Variants in CFDP1 observed in about 807,000 individuals in gnomAD.
The protein encoded by CFDP1 is heterochromatin-stabilizing protein CFDP1.
Under a neutral mutation model 40.1 loss-of-function variants are expected in CFDP1, and 31 were observed. The observed-to-expected ratio is 0.77, with a 90% CI of 0.58 to 1.04. The LOEUF is 1.04. CFDP1 is among the 50% of genes least tolerant of loss of function. The pLI is 0.00. For synonymous variants in CFDP1, 167 were observed against 120.0 expected, an observed-to-expected ratio of 1.39 and a Z score of -2.56; for missense variants, 423 against 343.4, an observed-to-expected ratio of 1.23 and a Z score of -1.83.
chr16:75,367,786 C>G (rs2078725439), intron 5 of CFDP1, among the ~76,000 whole-genome samples: 1 of 108,052 alleles, frequency 9.3e-6, no homozygotes, highest in Non-Finnish European at 1.9e-5. Context: ...GAGTGACACT[C>G]CATCTCAAAA....
chr16:75,323,093 A>G (rs1186018204), intron 5 of CFDP1, among the ~76,000 whole-genome samples: 1 of 152,050 alleles, frequency 6.6e-6, no homozygotes, highest in Non-Finnish European at 1.5e-5. Flanking sequence ...TTAATCTTTT[A>G]AAACTTTTTG....
intron 5 of CFDP1, among the ~76,000 whole-genome samples, chr16:75,369,290 G>GCCTGTAAT (rs1329557150): frequency 6.6e-6 from 1 of 151,980 alleles, no homozygotes; most frequent in Non-Finnish European, 1.5e-5. Context: ...AGTAGCTCAT[G>GCCTGTAAT]CCTGTAATCC....
intron 5 of CFDP1, among the ~76,000 whole-genome samples, chr16:75,347,577 G>A (rs907480336): frequency 5.3e-5 from 8 of 151,984 alleles, no homozygotes; most frequent in Admixed American, 3.3e-4. Context: ...TACTCGGGAG[G>A]CTGAGGCAGG....
intron 6 of CFDP1, among the ~76,000 whole-genome samples, chr16:75,299,503 G>A (rs1431248127): frequency 3.3e-5 from 5 of 151,938 alleles, no homozygotes; most frequent in African/African-American, 1.2e-4. Flanking sequence ...GCTGAGGCAG[G>A]AGAATGGCGT....
At chr16:75,409,313 A>AAT (rs2079134325) in intron 4 of CFDP1, 1 of 152,056 alleles carries the variant, frequency 6.6e-6, no homozygotes, top group Non-Finnish European at 1.5e-5. Context: ...TATGTCTATT[A>AAT]AATCTTTTTT....
chr16:75,311,805 A>G (rs897058179), intron 5 of CFDP1, among the ~76,000 whole-genome samples: 2 of 140,642 alleles, frequency 1.4e-5, no homozygotes, highest in African/African-American at 2.6e-5. Context: ...GAGTCTTGCT[A>G]TGTTGCCCAG....
intron 5 of CFDP1, among the ~76,000 whole-genome samples, chr16:75,373,529 C>T (rs543639813): frequency 5.3e-5 from 8 of 152,190 alleles, no homozygotes; most frequent in African/African-American, 1.4e-4. Context: ...CCCCTGCCCA[C>T]CCCCCATTCT....
chr16:75,384,852 C>CAA (rs1555561750), intron 5 of CFDP1, among the ~76,000 whole-genome samples: 1,275 of 119,826 alleles, frequency 0.011, 130 homozygotes, highest in Non-Finnish European at 0.013. Flanking sequence ...GAAACTAAAA[C>CAA]TATATATATA....
rs1361527715 is a variant in CFDP1, at chr16:75,417,774, C to G, written c.65-3079G>C. Among the ~76,000 whole-genome samples the G allele has an allele frequency of 4.6e-5, 7 of 151,644 alleles. No individual in the cohort carries two copies. In the East Asian group the frequency reaches 7.7e-4, roughly 17 times the overall value. ...AGATCTATTCCCAGGACTTTAAAAA[C>G]AGTATTCTGACTATACATCTTCATC... is the stretch of plus-strand genomic sequence containing the variant. On this transcript the variant is annotated intron_variant, in intron 1 of 6. Coordinates refer to ENST00000283882, the MANE Select transcript of CFDP1 (RefSeq NM_006324.3).
At position 75,363,887 on chromosome 16, in the gene CFDP1, G is replaced by C. The variant is rs1222056336; in HGVS notation, c.650+31203C>G. On this transcript the variant is annotated intron_variant, in intron 5 of 6. Transcript: ENST00000283882. Reference sequence around the variant, plus strand: ...TGAACTGAGACAAGCGAGCAAAACAGATTTGATTCACGCCCTCAGGAAGTT... The same window carrying C: ...TGAACTGAGACAAGCGAGCAAAACACATTTGATTCACGCCCTCAGGAAGTT... Among the ~76,000 whole-genome samples the C allele has an allele frequency of 2.0e-5, 3 of 151,464 alleles. 1 individual carries two copies. Among genetic ancestry groups the C allele is most frequent in the African/African-American group, 7.3e-5 (3 of 41,278 alleles).
At chr16:75,303,315 A>G (rs2078233941) in intron 6 of CFDP1, among the ~76,000 whole-genome samples, 1 of 152,050 alleles carries the variant, frequency 6.6e-6, no homozygotes, top group Non-Finnish European at 1.5e-5. Flanking sequence ...GCAGTGACCC[A>G]AGATCACGCC....
chr16:75,310,090 T>C (rs1439140998), intron 5 of CFDP1, among the ~76,000 whole-genome samples: 1 of 152,208 alleles, frequency 6.6e-6, no homozygotes, highest in African/African-American at 2.4e-5. Flanking sequence ...ATTACCAAGA[T>C]GTTTCCAATG....
intron 4 of CFDP1, among the ~76,000 whole-genome samples, chr16:75,397,368 A>C (rs1347977154): frequency 6.6e-6 from 1 of 151,396 alleles, no homozygotes; most frequent in East Asian, 2.0e-4. Context: ...TACAAAAGTT[A>C]ACTGAGTGTG....
intron 5 of CFDP1, among the ~76,000 whole-genome samples, chr16:75,342,823 T>A (rs756969933): frequency 6.6e-6 from 1 of 152,176 alleles, no homozygotes; most frequent in Non-Finnish European, 1.5e-5. Flanking sequence ...AAATTTTTGG[T>A]TGCCACAATC....
intron 1 of CFDP1, among the ~76,000 whole-genome samples, chr16:75,424,967 G>C (rs2079320365): frequency 6.6e-6 from 1 of 152,016 alleles, no homozygotes; most frequent in African/African-American, 2.4e-5. Context: ...AAAACCTCCA[G>C]AACTGGTAAA....
chr16:75,348,858 T>C (rs2078588717), intron 5 of CFDP1, among the ~76,000 whole-genome samples: 1 of 152,198 alleles, frequency 6.6e-6, no homozygotes, highest in Admixed American at 6.5e-5. Context: ...TAAATGGAAC[T>C]GTCTCCATTT....
At chr16:75,383,867 A>G (rs1356469264) in intron 5 of CFDP1, among the ~76,000 whole-genome samples, 1 of 150,194 alleles carries the variant, frequency 6.7e-6, no homozygotes, top group East Asian at 2.0e-4. Flanking sequence ...CTCACAATTT[A>G]TCTCAGTGTT....
intron 5 of CFDP1, among the ~76,000 whole-genome samples, chr16:75,362,111 C>T (rs2060677016): frequency 6.6e-6 from 1 of 152,218 alleles, no homozygotes; most frequent in African/African-American, 2.4e-5. Context: ...GCATGATCTA[C>T]ACAAATTGGG....
At chr16:75,414,012 C>G (rs1251446996) in intron 2 of CFDP1, among the ~76,000 whole-genome samples, 1 of 152,026 alleles carries the variant, frequency 6.6e-6, no homozygotes, top group Admixed American at 6.6e-5. Context: ...ATATTCACTG[C>G]ACTCTTCTTT....
Sources: gnomAD v4.1 joint callset for allele counts (sites outside exome capture counted in the v4.1 genomes callset) on GRCh38, gnomAD v4.1.1 for gene constraint, MANE v1.5 for transcripts, NCBI Gene and HGNC (gene_info 2026-07-23, HGNC 2026-07-21) for gene names.